OGFOD1: variants seen among roughly 807,000 people sequenced by gnomAD.
OGFOD1 encodes 2-oxoglutarate and iron dependent oxygenase domain containing 1.
OGFOD1 carries 54 observed loss-of-function variants against 67.7 expected under a neutral mutation model. The observed-to-expected ratio is 0.80, with a 90% CI of 0.64 to 1.00. The LOEUF (loss-of-function observed/expected upper bound fraction) is 1.00. Among genes scored for constraint, OGFOD1 ranks in the 50% least tolerant of loss-of-function variants. The probability of loss-of-function intolerance (pLI) is 0.00; values close to 1 mark genes in which losing one functional copy is unlikely to be tolerated. For synonymous variants in OGFOD1, 221 were observed against 227.0 expected (o/e 0.97, Z 0.24); for missense variants, 606 against 646.7 (o/e 0.94, Z 0.68).
chr16:56,466,280 A>G lies in OGFOD1; in HGVS notation c.565+12A>G, dbSNP rs373370809. 2.8e-5 allele frequency: 43 copies of G among 1,545,846 alleles called. No individual in the cohort carries two copies. The African/African-American group carries it at 3.3e-4, about 12-fold the overall frequency. On this transcript the variant is annotated intron_variant, in intron 5 of 12. Transcript: ENST00000566157. ...GTACAGCATTGATGGTAAGATAAGTATAAGTGCATGCACTTCACCACCAGT... is the reference window on the plus strand; with the variant it reads ...GTACAGCATTGATGGTAAGATAAGTGTAAGTGCATGCACTTCACCACCAGT...
At chr16:56,462,396 T>C in intron 3 of OGFOD1, 138 bp from the exon 4 acceptor site, 1 of 612,666 alleles carries the variant, frequency 1.6e-6, no homozygotes, top group Non-Finnish European at 2.9e-6. Flanking sequence ...TCTCAGAATG[T>C]CTCAAATGAG....
At chr16:56,474,197 C>T (rs1176796200) in intron 10 of OGFOD1, among the ~76,000 whole-genome samples, 4 of 151,920 alleles carry the variant, frequency 2.6e-5, no homozygotes, top group African/African-American at 9.7e-5. Flanking sequence ...TAGGTAATAA[C>T]ATGCTGAGAA....
At chr16:56,467,410 CTT>C (rs1238911979) in intron 7 of OGFOD1, 117 bp downstream of exon 7, 2 of 1,090,802 alleles carry the variant, frequency 1.8e-6, no homozygotes. Flanking sequence ...CCCCTTTCCA[CTT>C]TTCTTTTTTT....
At position 56,471,203 on chromosome 16, in the gene OGFOD1, A is replaced by C. The variant is rs1963164576; in HGVS notation, c.1285+412A>C. On this transcript the variant is annotated intron_variant, in intron 10 of 12. Transcript: ENST00000566157. The stretch of plus-strand genomic sequence containing the variant: ...CCCGTCTCTACTAAAAATACAAAAA[A>C]AAAAAAAAATTTGCCAGGCATGGTG... 3.3e-5 allele frequency among the ~76,000 whole-genome samples: 5 copies of C among 151,514 alleles called. No homozygotes were observed. In the South Asian group the frequency reaches 8.4e-4, roughly 25 times the overall value.
chr16:56,469,873 AG>A (rs1839651232), intron 8 of OGFOD1, 129 bp from the exon 9 acceptor site: 21 of 547,096 alleles, frequency 3.8e-5, no homozygotes, highest in East Asian at 6.8e-5. Flanking sequence ...AAAAAAAAAA[AG>A]GAATGAGAGT....
At chr16:56,467,695 G>C (rs1321408989) in intron 7 of OGFOD1, among the ~76,000 whole-genome samples, 1 of 152,090 alleles carries the variant, frequency 6.6e-6, no homozygotes, top group African/African-American at 2.4e-5. Context: ...CCAAAGTGCT[G>C]GGATTACAGG....
intron 10 of OGFOD1, among the ~76,000 whole-genome samples, 159 bp from the exon 11 acceptor site, chr16:56,474,669 C>A (rs1236652106): frequency 6.6e-6 from 1 of 152,102 alleles, no homozygotes; most frequent in Non-Finnish European, 1.5e-5. Flanking sequence ...TCCTAACAAT[C>A]TTTTATAAGG....
At chr16:56,468,249 AACAC>A (rs369185879) in intron 8 of OGFOD1, among the ~76,000 whole-genome samples, 2 of 151,584 alleles carry the variant, frequency 1.3e-5, no homozygotes, top group African/African-American at 4.8e-5. Context: ...TAGAGTCTTA[AACAC>A]ACACACACAC....
At chr16:56,454,781 T>G (rs1042585192) in intron 2 of OGFOD1, 34 of 449,142 alleles carry the variant, frequency 7.6e-5, no homozygotes, top group African/African-American at 6.6e-4. Context: ...TAGAGCTGAT[T>G]GGTCAGATGG....
intron 10 of OGFOD1, among the ~76,000 whole-genome samples, chr16:56,472,447 T>C (rs1963243064): frequency 6.6e-6 from 1 of 152,218 alleles, no homozygotes; most frequent in Non-Finnish European, 1.5e-5. Flanking sequence ...GAAAAGTCAC[T>C]GTTTACGAAG....
At chr16:56,463,386 T>G (rs1204412289) in intron 4 of OGFOD1, among the ~76,000 whole-genome samples, 17 of 45,614 alleles carry the variant, frequency 3.7e-4, no homozygotes, top group African/African-American at 2.2e-3. Flanking sequence ...TTTTTTGGGT[T>G]TTTTTTTTTT....
At chr16:56,473,955 C>T (rs990122689) in intron 10 of OGFOD1, among the ~76,000 whole-genome samples, 14 of 152,150 alleles carry the variant, frequency 9.2e-5, no homozygotes, top group Middle Eastern at 3.4e-3. Context: ...TACAGGCACA[C>T]GCCACCATGC....
chr16:56,471,025 T>C (rs912573522), intron 10 of OGFOD1, among the ~76,000 whole-genome samples: 44 of 152,166 alleles, frequency 2.9e-4, no homozygotes, highest in African/African-American at 9.9e-4. Context: ...ATAAGTGCTA[T>C]GCAAAACATT....
chr16:56,469,901 G>C (rs902789481), intron 8 of OGFOD1, 102 bp from the exon 9 acceptor site: 26 of 763,328 alleles, frequency 3.4e-5, no homozygotes, highest in Admixed American at 1.4e-4. Flanking sequence ...CACCTTTTAG[G>C]AATCAGCCAG....
At chr16:56,475,386 C>A in intron 11 of OGFOD1, 121 bp from the exon 12 acceptor site, 1 of 876,932 alleles carries the variant, frequency 1.1e-6, no homozygotes, top group Non-Finnish European at 1.9e-6. Context: ...AGTCATAGAA[C>A]CAGTTACTGC....
Position 56,478,878 on chromosome 16 carries a change from T to TAA in OGFOD1, c.*2674_*2675insAA, listed in dbSNP as rs1177527856. 3.3e-5 allele frequency: 5 copies of TAA among 152,172 alleles called. No individual in the cohort carries two copies. Among genetic ancestry groups the TAA allele is most frequent in the African/African-American group, 7.2e-5 (3 of 41,448 alleles). 9.4% of individuals were successfully genotyped at this position (152,172 alleles called of 1,614,324 possible). Reference sequence around the variant, plus strand: ...TTACATCATCTACAGCAGCACCTCTTAGATTGTGAAGGATGGTGTAACTTA... The same window carrying TAA: ...TTACATCATCTACAGCAGCACCTCTTAAAGATTGTGAAGGATGGTGTAACTTA... On this transcript the variant is annotated 3_prime_UTR_variant, in exon 13 of 13. Transcript: ENST00000566157.
chr16:56,474,118 C>T (rs1310540167), intron 10 of OGFOD1, among the ~76,000 whole-genome samples: 1 of 151,978 alleles, frequency 6.6e-6, no homozygotes, highest in East Asian at 1.9e-4. Flanking sequence ...TAATTTTGTT[C>T]AGCATGGTTT....
In OGFOD1 at chr16:56,456,960, C is replaced by T. The variant is rs139094065; in HGVS notation, c.301-1588C>T. ...TACTACTTCCACTGCCAAAGGCCAA[C>T]ACCTGGTTCAAGCTATCTGTGTCTC... On this transcript the variant is annotated intron_variant, in intron 2 of 12. Coordinates refer to ENST00000566157, the MANE Select transcript of OGFOD1 (RefSeq NM_018233.4). Among the ~76,000 whole-genome samples the T allele has an allele frequency of 1.4e-4, 21 of 152,352 alleles. No individual in the cohort carries two copies. In the East Asian group the frequency reaches 2.9e-3, roughly 21 times the overall value.
intron 8 of OGFOD1, among the ~76,000 whole-genome samples, 142 bp from the exon 9 acceptor site, chr16:56,469,850 CAAAAAAAAAAA>C (rs751278368): frequency 9.4e-5 from 5 of 53,340 alleles, no homozygotes; most frequent in Non-Finnish European, 1.1e-4. Flanking sequence ...AACTCCATCT[CAAAAAAAAAAA>C]AAAAAAAAAA....
Sources: allele counts gnomAD v4.1 joint callset (sites outside exome capture counted in the v4.1 genomes callset), GRCh38; gene constraint gnomAD v4.1.1; transcripts MANE v1.5; gene names NCBI Gene and HGNC (gene_info 2026-07-23, HGNC 2026-07-21).